The following PIK3CB variants were observed in gnomAD, a reference collection of about 807,000 sequenced individuals.
PIK3CB encodes phosphatidylinositol-4,5-bisphosphate 3-kinase catalytic subunit beta.
A neutral mutation model predicts 136.8 loss-of-function variants in PIK3CB; 39 were observed. That is an observed-to-expected ratio of 0.29 (90% CI 0.22 to 0.37). The LOEUF (loss-of-function observed/expected upper bound fraction) is 0.37, where lower values mean the gene tolerates loss of function less well. Ranked by LOEUF, PIK3CB falls within the 10% of genes least tolerant of loss-of-function variation. PIK3CB has a pLI of 1.00. For synonymous variants in PIK3CB, 428 were observed against 436.6 expected (o/e 0.98, Z 0.25); for missense variants, 868 against 1,275.4 (o/e 0.68, Z 4.87).
chr3:138,705,385 A>G (rs1325034880), intron 11 of PIK3CB, among the ~76,000 whole-genome samples: 1 of 151,944 alleles, frequency 6.6e-6, no homozygotes, highest in East Asian at 1.9e-4. Flanking sequence ...TCAAAGGAAT[A>G]ACTAAAGACA....
chr3:138,736,740 T>C (rs996537805), intron 6 of PIK3CB, among the ~76,000 whole-genome samples: 1 of 152,186 alleles, frequency 6.6e-6, no homozygotes, highest in Non-Finnish European at 1.5e-5. Flanking sequence ...GAATTCTTAA[T>C]TAAATGAAAA....
At chr3:138,726,450 C>T (rs1008383301) in intron 8 of PIK3CB, among the ~76,000 whole-genome samples, 5 of 152,134 alleles carry the variant, frequency 3.3e-5, no homozygotes, top group Non-Finnish European at 4.4e-5. Context: ...ATAATTGAAA[C>T]GGACATTCAA....
intron 1 of PIK3CB, among the ~76,000 whole-genome samples, chr3:138,797,672 A>G (rs2046123974): frequency 6.6e-6 from 1 of 152,162 alleles, no homozygotes; most frequent in South Asian, 2.1e-4. Context: ...TTTATTCAGG[A>G]TGTTGATAGT....
At chr3:138,741,820 T>C (rs1481076010) in intron 5 of PIK3CB, among the ~76,000 whole-genome samples, 1 of 147,150 alleles carries the variant, frequency 6.8e-6, no homozygotes, top group Non-Finnish European at 1.5e-5. Context: ...AGAGCAAGAC[T>C]CCGTCTAAAA....
intron 1 of PIK3CB, among the ~76,000 whole-genome samples, chr3:138,818,278 TC>T (rs1933419861): frequency 6.6e-6 from 1 of 152,160 alleles, no homozygotes; most frequent in Non-Finnish European, 1.5e-5. Context: ...TGGAATTCTC[TC>T]GCTCAAAACC....
At chr3:138,722,081 C>T (rs942379771) in intron 8 of PIK3CB, among the ~76,000 whole-genome samples, 8 of 151,458 alleles carry the variant, frequency 5.3e-5, no homozygotes, top group African/African-American at 1.7e-4. Context: ...ATTAATCACA[C>T]AGGATCTAAT....
intron 4 of PIK3CB, among the ~76,000 whole-genome samples, chr3:138,744,268 G>A (rs2045302303): frequency 1.3e-5 from 2 of 151,238 alleles, no homozygotes; most frequent in South Asian, 4.2e-4. Context: ...GGTGGTGGGT[G>A]CCTGAAGTCC....
At chr3:138,798,637 AG>A (rs1352162339) in intron 1 of PIK3CB, among the ~76,000 whole-genome samples, 1 of 152,176 alleles carries the variant, frequency 6.6e-6, no homozygotes, top group African/African-American at 2.4e-5. Flanking sequence ...TGTATTTAAA[AG>A]TATTTCTAAC....
intron 10 of PIK3CB, among the ~76,000 whole-genome samples, chr3:138,707,888 G>C (rs1488885602): frequency 6.6e-6 from 1 of 152,006 alleles, no homozygotes; most frequent in Admixed American, 6.6e-5. Context: ...GCTAAATATG[G>C]TCAATTCACA....
intron 1 of PIK3CB, among the ~76,000 whole-genome samples, chr3:138,798,694 T>C (rs962760738): frequency 2.0e-5 from 3 of 152,094 alleles, no homozygotes; most frequent in Admixed American, 1.3e-4. Flanking sequence ...AGTAAATGAA[T>C]GAACCAAAAT....
chr3:138,737,995 A>G (rs2045150355), intron 5 of PIK3CB, 109 bp from the exon 6 acceptor site: 2 of 587,722 alleles, frequency 3.4e-6, no homozygotes, highest in Non-Finnish European at 5.6e-6. Flanking sequence ...TAATATTTAT[A>G]TGGGTACATC....
chr3:138,822,941 A>G (rs1237653500), intron 1 of PIK3CB, among the ~76,000 whole-genome samples: 1 of 145,888 alleles, frequency 6.9e-6, no homozygotes, highest in African/African-American at 2.5e-5. Context: ...TATATACGAA[A>G]TATATATACA....
intron 8 of PIK3CB, 131 bp downstream of exon 8, chr3:138,733,230 T>C (rs2045026551): frequency 7.0e-6 from 3 of 429,512 alleles, no homozygotes; most frequent in Non-Finnish European, 1.3e-5. Flanking sequence ...TATAATAAAT[T>C]ACCATATTCT....
intron 2 of PIK3CB, among the ~76,000 whole-genome samples, chr3:138,784,094 C>T (rs116591733): frequency 3.0e-4 from 46 of 152,258 alleles, no homozygotes; most frequent in Non-Finnish European, 4.1e-4. Context: ...TAATATTCTA[C>T]GAAAATGCTT....
At chr3:138,801,724 A>G (rs1005484716) in intron 1 of PIK3CB, among the ~76,000 whole-genome samples, 4 of 151,758 alleles carry the variant, frequency 2.6e-5, no homozygotes, top group Non-Finnish European at 5.9e-5. Context: ...TTAGCTGGGC[A>G]TGGTGGCGCG....
chr3:138,723,651 G>A (rs1935964041), intron 8 of PIK3CB, among the ~76,000 whole-genome samples: 2 of 152,142 alleles, frequency 1.3e-5, no homozygotes, highest in South Asian at 4.1e-4. Flanking sequence ...CAGAACATTA[G>A]GAGAGCAAAA....
intron 10 of PIK3CB, among the ~76,000 whole-genome samples, chr3:138,711,816 G>A (rs1476121723): frequency 6.6e-6 from 1 of 151,830 alleles, no homozygotes; most frequent in Non-Finnish European, 1.5e-5. Context: ...ATACTAACTT[G>A]TTAAAATAAC....
At chr3:138,769,514 A>G (rs544857744) in intron 2 of PIK3CB, among the ~76,000 whole-genome samples, 16 of 152,214 alleles carry the variant, frequency 1.1e-4, no homozygotes, top group Admixed American at 2.0e-4. Flanking sequence ...TATTCAAACT[A>G]AAACCACAAG....
At chr3:138,816,455 A>C (rs1333794126) in intron 1 of PIK3CB, among the ~76,000 whole-genome samples, 1 of 151,914 alleles carries the variant, frequency 6.6e-6, no homozygotes, top group Non-Finnish European at 1.5e-5. Context: ...TTAACCGGGC[A>C]TGGTGGCAAG....
Sources: gnomAD v4.1 joint callset for allele counts (sites outside exome capture counted in the v4.1 genomes callset) on GRCh38, gnomAD v4.1.1 for gene constraint, MANE v1.5 for transcripts, NCBI Gene and HGNC (gene_info 2026-07-23, HGNC 2026-07-21) for gene names.